The following LGSN variants were observed in gnomAD, a reference collection of about 807,000 sequenced individuals.
The protein encoded by LGSN is lengsin.
LGSN carries 21 observed loss-of-function variants against 19.5 expected under a neutral mutation model. The ratio of observed to expected loss-of-function variants is 1.07; its 90% CI spans 0.76 to 1.55. The LOEUF is 1.55. LGSN is among the 40% of genes most tolerant of loss of function. LGSN has a pLI of 0.00. For missense variants in LGSN, 673 were observed against 608.5 expected (o/e 1.11, Z -1.12); for synonymous variants, 257 against 215.6 (o/e 1.19, Z -1.68).
At chr6:63,406,119 A>G in the LGSN span, among the ~76,000 whole-genome samples, 1 of 152,094 alleles carries the variant, frequency 6.6e-6, no homozygotes, top group Non-Finnish European at 1.5e-5. Context: ...ACAGATCAAC[A>G]AGGCAGAAAG....
the LGSN span, among the ~76,000 whole-genome samples, chr6:63,410,759 A>G: frequency 1.3e-5 from 2 of 152,212 alleles, no homozygotes; most frequent in African/African-American, 4.8e-5. Flanking sequence ...CCAAGTATTT[A>G]GTATGGTATT....
upstream of LGSN, among the ~76,000 whole-genome samples, chr6:63,320,282 G>C (rs1033207948): frequency 1.3e-5 from 2 of 152,130 alleles, no homozygotes; most frequent in African/African-American, 2.4e-5. Context: ...ATTCTGGAAT[G>C]ATATCTATTG....
chr6:63,340,060 GT>G, the LGSN span, among the ~76,000 whole-genome samples: 96 of 150,840 alleles, frequency 6.4e-4, no homozygotes, highest in African/African-American at 2.1e-3. Context: ...CTAGCAGGGT[GT>G]TTTTTTTTCT....
the LGSN span, among the ~76,000 whole-genome samples, chr6:63,448,240 G>A: frequency 1.5e-4 from 23 of 152,090 alleles, no homozygotes; most frequent in South Asian, 8.3e-4. Flanking sequence ...TTTGTGATAC[G>A]AGGAAAATAT....
chr6:63,319,031 C>T (rs1768979483), intron 1 of LGSN, among the ~76,000 whole-genome samples: 1 of 152,170 alleles, frequency 6.6e-6, no homozygotes. Flanking sequence ...CAGGGAGTGC[C>T]TTCTTCACAT....
chr6:63,507,406 C>T, the LGSN span, among the ~76,000 whole-genome samples: 9 of 152,166 alleles, frequency 5.9e-5, no homozygotes, highest in South Asian at 1.9e-3. Context: ...TTCATTCATA[C>T]CTTTTGAATA....
the LGSN span, among the ~76,000 whole-genome samples, chr6:63,472,512 G>A: frequency 1.3e-5 from 2 of 152,184 alleles, no homozygotes; most frequent in Non-Finnish European, 2.9e-5. Flanking sequence ...TCCCCAGAGA[G>A]AGTCAATCTC....
chr6:63,547,348 C>T, the LGSN span, among the ~76,000 whole-genome samples: 2 of 151,662 alleles, frequency 1.3e-5, no homozygotes, highest in South Asian at 4.2e-4. Flanking sequence ...TGCCACCATG[C>T]CTAGCTAATT....
At chr6:63,566,886 T>C in the LGSN span, among the ~76,000 whole-genome samples, 1 of 152,248 alleles carries the variant, frequency 6.6e-6, no homozygotes, top group Non-Finnish European at 1.5e-5. Context: ...GTTTATGTGA[T>C]ATTCTAAATC....
chr6:63,334,099 C>G, the LGSN span, among the ~76,000 whole-genome samples: 1 of 152,220 alleles, frequency 6.6e-6, no homozygotes, highest in Non-Finnish European at 1.5e-5. Context: ...TTATATTCAA[C>G]ATAGTACTAG....
chr6:63,281,304 AATATATATATAT>A lies in LGSN; in HGVS notation c.331-96_331-85del, dbSNP rs1223943140. On this transcript the variant is annotated intron_variant, in intron 3 of 3. Coordinates refer to ENST00000370657, the MANE Select transcript of LGSN (RefSeq NM_016571.3). ...GCGGCGGGAAAGCCTTGCTAATGAAAATATATATATATATATATATATATATAATAAATATAT... is the reference window on the plus strand; with the variant it reads ...GCGGCGGGAAAGCCTTGCTAATGAAAATATATATATATATAATAAATATAT... 4.9e-4 allele frequency: 66 copies of A among 135,798 alleles called. 5 individuals carry two copies. Among genetic ancestry groups the A allele is most frequent in the Non-Finnish European group, 8.2e-4 (58 of 70,588 alleles). The allele number at this position is 135,798 out of a possible 1,614,324, so 8.4% of individuals were successfully genotyped here. A position where few individuals can be genotyped will look rare whatever the true frequency, so the allele number is the denominator to read the frequency against.
At chr6:63,487,850 G>A in the LGSN span, among the ~76,000 whole-genome samples, 1 of 151,936 alleles carries the variant, frequency 6.6e-6, no homozygotes, top group South Asian at 2.1e-4. Context: ...GCGTGGTAGT[G>A]GGCACCTGTA....
chr6:63,319,370 T>C (rs1256746568), intron 1 of LGSN, among the ~76,000 whole-genome samples: 1 of 152,206 alleles, frequency 6.6e-6, no homozygotes. Flanking sequence ...CAGTCAGAAA[T>C]ACAAGAGTGA....
intron 1 of LGSN, among the ~76,000 whole-genome samples, chr6:63,317,758 G>A (rs746642110): frequency 6.6e-6 from 1 of 152,158 alleles, no homozygotes; most frequent in African/African-American, 2.4e-5. Flanking sequence ...GCCCCCAACA[G>A]ATACAGGCTG....
At chr6:63,317,686 C>G (rs1768915845) in intron 1 of LGSN, among the ~76,000 whole-genome samples, 1 of 152,168 alleles carries the variant, frequency 6.6e-6, no homozygotes, top group African/African-American at 2.4e-5. Flanking sequence ...AGGTAAATCT[C>G]TAGCCTCTTG....
chr6:63,334,186 G>A, the LGSN span, among the ~76,000 whole-genome samples: 20 of 152,232 alleles, frequency 1.3e-4, no homozygotes, highest in East Asian at 1.2e-3. Context: ...CAAATTGTTC[G>A]CCTTTGCAGA....
the LGSN span, among the ~76,000 whole-genome samples, chr6:63,508,769 A>G: frequency 6.6e-6 from 1 of 151,714 alleles, no homozygotes; most frequent in African/African-American, 2.4e-5. Context: ...AAACAAAAAA[A>G]TTAGGCGGGC....
At chr6:63,441,354 A>C in the LGSN span, 1 of 478,050 alleles carries the variant, frequency 2.1e-6, no homozygotes, top group Admixed American at 2.3e-5. Flanking sequence ...TCTCCTCAAC[A>C]ACAGGCTGGT....
At chr6:63,525,110 C>T in the LGSN span, among the ~76,000 whole-genome samples, 5 of 152,318 alleles carry the variant, frequency 3.3e-5, no homozygotes, top group African/African-American at 9.6e-5. Context: ...TTATTCAAGG[C>T]TGTTTCAAAG....
Sources: gnomAD v4.1 joint callset for allele counts (sites outside exome capture counted in the v4.1 genomes callset) on GRCh38, gnomAD v4.1.1 for gene constraint, MANE v1.5 for transcripts, NCBI Gene and HGNC (gene_info 2026-07-23, HGNC 2026-07-21) for gene names.